The following ZNF560 variants were observed in gnomAD, a reference collection of about 807,000 sequenced individuals.
ZNF560 encodes the protein zinc finger protein 560.
In ZNF560, 54 loss-of-function variants were observed where a neutral mutation model predicts 81.8. The ratio of observed to expected loss-of-function variants is 0.66; its 90% CI spans 0.53 to 0.83. The LOEUF is 0.83. Among genes scored for constraint, ZNF560 ranks in the 40% least tolerant of loss-of-function variants. The probability of loss-of-function intolerance (pLI) is 0.00; values close to 1 mark genes in which losing one functional copy is unlikely to be tolerated. For missense variants in ZNF560, 940 were observed against 932.4 expected, an observed-to-expected ratio of 1.01 and a Z score of -0.11; for synonymous variants, 321 against 317.9, an observed-to-expected ratio of 1.01 and a Z score of -0.10.
chr19:9,500,469 T>C (rs1300425878), upstream of ZNF560, among the ~76,000 whole-genome samples: 1 of 152,054 alleles, frequency 6.6e-6, no homozygotes, highest in Non-Finnish European at 1.5e-5. Flanking sequence ...TTTCTCTCCT[T>C]CCTGGTCTTA....
chr19:9,492,342 G>A (rs1012287125), intron 2 of ZNF560, among the ~76,000 whole-genome samples: 3 of 152,112 alleles, frequency 2.0e-5, no homozygotes, highest in Non-Finnish European at 2.9e-5. Context: ...GAATAGACTC[G>A]TGTTCTGGAT....
chr19:9,458,366 G>A, the ZNF560 span, among the ~76,000 whole-genome samples: 1 of 152,230 alleles, frequency 6.6e-6, no homozygotes, highest in Admixed American at 6.5e-5. Context: ...GATGGGTCTA[G>A]TAATGGTAAA....
chr19:9,478,016 T>C (rs540249455), intron 2 of ZNF560, among the ~76,000 whole-genome samples: 2 of 152,164 alleles, frequency 1.3e-5, no homozygotes, highest in South Asian at 4.1e-4. Context: ...GAGGAAAATA[T>C]ATAAATATCC....
At chr19:9,473,336 T>C in intron 4 of ZNF560, 77 bp from the exon 5 acceptor site, 6 of 1,104,692 alleles carry the variant, frequency 5.4e-6, no homozygotes, top group Non-Finnish European at 7.8e-6. Context: ...ATCCCAGCAC[T>C]TTGGGAGGCT....
intron 2 of ZNF560, among the ~76,000 whole-genome samples, chr19:9,483,410 G>T (rs1330669688): frequency 6.6e-6 from 1 of 150,492 alleles, no homozygotes; most frequent in African/African-American, 2.4e-5. Context: ...TGAGAAGTGA[G>T]GAGCCCCTCC....
chr19:9,459,498 C>A, the ZNF560 span, among the ~76,000 whole-genome samples: 1 of 152,090 alleles, frequency 6.6e-6, no homozygotes, highest in Admixed American at 6.5e-5. Context: ...TTGGGGTGAT[C>A]AGACTGAACA....
chr19:9,469,823 C>T, intron 7 of ZNF560, 113 bp from the exon 8 acceptor site: 1 of 781,144 alleles, frequency 1.3e-6, no homozygotes, highest in African/African-American at 1.7e-5. Context: ...ACTTAAATTG[C>T]ATATATCCCA....
chr19:9,505,984 T>C, the ZNF560 span, among the ~76,000 whole-genome samples: 1 of 151,578 alleles, frequency 6.6e-6, no homozygotes, highest in Admixed American at 6.6e-5. Context: ...TTTACTTTCT[T>C]TCTTTCTTTC....
intron 2 of ZNF560, among the ~76,000 whole-genome samples, chr19:9,485,344 T>C (rs545050647): frequency 1.3e-5 from 2 of 152,134 alleles, no homozygotes; most frequent in Admixed American, 1.3e-4. Context: ...GTAGGATTTA[T>C]CCCTGGAATG....
upstream of ZNF560, among the ~76,000 whole-genome samples, chr19:9,502,807 A>G (rs567465790): frequency 9.2e-5 from 14 of 152,012 alleles, no homozygotes; most frequent in Non-Finnish European, 5.9e-5. Flanking sequence ...AGTGTGCCCC[A>G]GTTTCATTTC....
chr19:9,447,334 A>G, the ZNF560 span, among the ~76,000 whole-genome samples: 3 of 151,970 alleles, frequency 2.0e-5, no homozygotes, highest in Non-Finnish European at 4.4e-5. Context: ...AAAAAGCTGA[A>G]TGTTGTGACA....
At chr19:9,460,624 T>C in the ZNF560 span, among the ~76,000 whole-genome samples, 34 of 152,282 alleles carry the variant, frequency 2.2e-4, 1 homozygote, top group African/African-American at 7.9e-4. Context: ...AGGCCACTAG[T>C]TGCCCACCCC....
At chr19:9,452,581 C>G in the ZNF560 span, among the ~76,000 whole-genome samples, 1 of 152,156 alleles carries the variant, frequency 6.6e-6, no homozygotes, top group Non-Finnish European at 1.5e-5. Flanking sequence ...TAAAAAAGAA[C>G]AAGATCATAT....
At chr19:9,466,349 A>C (rs1163960511), downstream of ZNF560, among the ~76,000 whole-genome samples, 4 of 147,224 alleles carry the variant, frequency 2.7e-5, no homozygotes, top group Admixed American at 2.7e-4. Context: ...CATCAAAAAA[A>C]AAAAAAGAGA....
downstream of ZNF560, among the ~76,000 whole-genome samples, chr19:9,464,464 C>G (rs1464729011): frequency 6.6e-6 from 1 of 152,218 alleles, no homozygotes; most frequent in African/African-American, 2.4e-5. Context: ...GCCATGAAAT[C>G]ACGGTATCTT....
downstream of ZNF560, among the ~76,000 whole-genome samples, chr19:9,463,446 TA>T (rs1452282917): frequency 6.6e-6 from 1 of 152,168 alleles, no homozygotes. Context: ...GTTTCAGGAA[TA>T]ACCTATAGGT....
the ZNF560 span, among the ~76,000 whole-genome samples, chr19:9,450,213 C>T: frequency 2.6e-5 from 4 of 151,732 alleles, no homozygotes; most frequent in South Asian, 2.1e-4. Flanking sequence ...ATCATTTGAA[C>T]CCGGGAGGCG....
At chr19:9,504,816 G>A in the ZNF560 span, among the ~76,000 whole-genome samples, 1 of 152,166 alleles carries the variant, frequency 6.6e-6, no homozygotes, top group Non-Finnish European at 1.5e-5. Context: ...GCTGGGCACA[G>A]TGGCTCATTC....
chr19:9,457,799 G>C, the ZNF560 span, among the ~76,000 whole-genome samples: 147 of 152,276 alleles, frequency 9.7e-4, no homozygotes, highest in South Asian at 2.3e-3. Context: ...CCTGCTCTAG[G>C]CATTCTGACT....
Sources: gnomAD v4.1 joint callset for allele counts (sites outside exome capture counted in the v4.1 genomes callset) on GRCh38, gnomAD v4.1.1 for gene constraint, MANE v1.5 for transcripts, NCBI Gene and HGNC (gene_info 2026-07-23, HGNC 2026-07-21) for gene names.